Variants in EPHA3 observed in about 807,000 individuals in gnomAD.
EPHA3 encodes the protein EPH receptor A3.
A neutral mutation model predicts 107.1 loss-of-function variants in EPHA3; 42 were observed. The observed-to-expected ratio is 0.39, with a 90% CI of 0.31 to 0.51. EPHA3 has a LOEUF of 0.51. EPHA3 is among the 20% of genes least tolerant of loss of function. The pLI is 0.78. For missense variants in EPHA3, 1,183 were observed against 1,211.2 expected, an observed-to-expected ratio of 0.98 and a Z score of 0.35; for synonymous variants, 461 against 424.8, an observed-to-expected ratio of 1.09 and a Z score of -1.05.
chr3:89,353,559 C>T (rs985881212), intron 5 of EPHA3, among the ~76,000 whole-genome samples: 2 of 151,190 alleles, frequency 1.3e-5, no homozygotes, highest in Admixed American at 1.3e-4. Flanking sequence ...ACTGGCAATT[C>T]AGCTTCTTCC....
At chr3:89,133,036 A>G (rs138101531) in intron 2 of EPHA3, among the ~76,000 whole-genome samples, 136 of 152,370 alleles carry the variant, frequency 8.9e-4, no homozygotes, top group African/African-American at 2.8e-3. Flanking sequence ...ACAAATACAT[A>G]TAATACATGT....
rs1576401054 is a variant in EPHA3 at position 89,480,697 on chromosome 3, T to C, written c.*1195T>C. 1 of 232,786 alleles carries C rather than the reference T, an allele frequency of 4.3e-6. No individual in the cohort carries two copies. The highest frequency in any genetic ancestry group is 6.1e-5 in the East Asian group (1 of 16,416). The allele number at this position is 232,786 out of a possible 1,614,324, so 14.4% of individuals were successfully genotyped here. On this transcript the variant is annotated 3_prime_UTR_variant, in exon 17 of 17. Coordinates refer to ENST00000336596, the MANE Select transcript of EPHA3 (RefSeq NM_005233.6). ...TTGCTGAAACTTGCTGAGCTGTTTA[T>C]AGAGAATGATGATAACAGAACTTTT...
In EPHA3 at chr3:89,356,013, G is replaced by A. The variant is rs558884623; in HGVS notation, c.1306+13923G>A. Among the ~76,000 whole-genome samples the A allele has an allele frequency of 1.6e-3, 182 of 112,058 alleles. 4 individuals carry two copies. Among genetic ancestry groups the A allele is most frequent in the Admixed American group, 2.9e-3 (21 of 7,234 alleles). The allele number at this position is 112,058 out of a possible 152,430, so 73.5% of individuals were successfully genotyped here. ...CCCACCCCACAACAGTCCCCAGAGT[G>A]TGATGTTCCCCTTCCTGTGTCCATG... On this transcript the variant is annotated intron_variant, in intron 5 of 16. Coordinates refer to ENST00000336596, the MANE Select transcript of EPHA3 (RefSeq NM_005233.6).
intron 3 of EPHA3, among the ~76,000 whole-genome samples, chr3:89,318,170 T>G (rs1706955314): frequency 6.6e-6 from 1 of 151,904 alleles, no homozygotes; most frequent in Non-Finnish European, 1.5e-5. Flanking sequence ...TGTAACATCA[T>G]ATTTTACAAT....
At chr3:89,441,794 T>C (rs992401424) in intron 13 of EPHA3, among the ~76,000 whole-genome samples, 2 of 152,166 alleles carry the variant, frequency 1.3e-5, no homozygotes, top group Admixed American at 6.6e-5. Context: ...TCCTATATAT[T>C]CAATTTATTT....
At chr3:89,130,906 G>T (rs1460390106) in intron 2 of EPHA3, among the ~76,000 whole-genome samples, 2 of 152,270 alleles carry the variant, frequency 1.3e-5, no homozygotes, top group East Asian at 3.9e-4. Context: ...AAAATGTTGG[G>T]ATTACAGGCG....
intron 13 of EPHA3, 43 bp from the exon 14 acceptor site, chr3:89,449,182 C>T (rs1709937668): frequency 2.6e-6 from 4 of 1,547,986 alleles, no homozygotes; most frequent in Non-Finnish European, 3.5e-6. Context: ...ATTATATGTT[C>T]TATGCATTGC....
intron 2 of EPHA3, among the ~76,000 whole-genome samples, chr3:89,144,336 C>T (rs1704490993): frequency 6.6e-6 from 1 of 151,620 alleles, no homozygotes; most frequent in South Asian, 2.1e-4. Context: ...AAGATTCCTG[C>T]ACATCTTTTC....
intron 5 of EPHA3, among the ~76,000 whole-genome samples, chr3:89,380,600 G>A (rs759515542): frequency 6.6e-6 from 1 of 152,072 alleles, no homozygotes; most frequent in Non-Finnish European, 1.5e-5. Flanking sequence ...CCAACCAAGA[G>A]GAGGTAGTGC....
intron 5 of EPHA3, among the ~76,000 whole-genome samples, chr3:89,377,420 A>G (rs1708423004): frequency 6.6e-6 from 1 of 152,158 alleles, no homozygotes; most frequent in Non-Finnish European, 1.5e-5. Flanking sequence ...CAACCCATTA[A>G]AGCCAAAAAT....
At chr3:89,433,302 A>G (rs1327431368) in intron 13 of EPHA3, among the ~76,000 whole-genome samples, 1 of 149,446 alleles carries the variant, frequency 6.7e-6, no homozygotes, top group Non-Finnish European at 1.5e-5. Flanking sequence ...TTTATTCCCG[A>G]TTAAAAAAAA....
intron 3 of EPHA3, among the ~76,000 whole-genome samples, chr3:89,315,828 T>C (rs1441219995): frequency 6.6e-6 from 1 of 151,856 alleles, no homozygotes; most frequent in Admixed American, 6.6e-5. Flanking sequence ...TTTCAGAATG[T>C]CAAATTTAGT....
intron 3 of EPHA3, among the ~76,000 whole-genome samples, chr3:89,271,548 A>G (rs1327131487): frequency 2.0e-5 from 3 of 151,946 alleles, no homozygotes; most frequent in East Asian, 1.9e-4. Context: ...CTGGCTTTAT[A>G]TTCAAGTCTT....
At chr3:89,287,645 A>G (rs1438272903) in intron 3 of EPHA3, among the ~76,000 whole-genome samples, 2 of 152,152 alleles carry the variant, frequency 1.3e-5, no homozygotes, top group African/African-American at 2.4e-5. Flanking sequence ...AAAGAAAATA[A>G]GGAAGAGTGA....
chr3:89,423,452 C>T (rs1035042729), intron 11 of EPHA3, among the ~76,000 whole-genome samples: 2 of 151,266 alleles, frequency 1.3e-5, no homozygotes, highest in African/African-American at 2.4e-5. Flanking sequence ...CTAAATTTGT[C>T]TTAAGTGTAC....
In EPHA3 at chr3:89,181,580, G is replaced by A. The variant is rs562620293; in HGVS notation, c.154-28280G>A. The stretch of plus-strand genomic sequence containing the variant: ...TGGAGAGAGATATACTTAATACTGC[G>A]GTGTTTTAAATTTGAGCTTTTGGAT... On this transcript the variant is annotated intron_variant, in intron 2 of 16. Coordinates refer to ENST00000336596, the MANE Select transcript of EPHA3 (RefSeq NM_005233.6). Among the ~76,000 whole-genome samples, 41 of 151,938 alleles carry A rather than the reference G, an allele frequency of 2.7e-4. No homozygotes were observed. In the Middle Eastern group the frequency reaches 0.027, roughly 101 times the overall value.
intron 2 of EPHA3, among the ~76,000 whole-genome samples, chr3:89,187,849 T>A (rs1398816280): frequency 5.3e-5 from 8 of 152,154 alleles, no homozygotes; most frequent in Non-Finnish European, 1.2e-4. Context: ...AGAAATGTAA[T>A]ATAACAACTC....
intron 16 of EPHA3, among the ~76,000 whole-genome samples, chr3:89,475,263 CTTA>C (rs1710484171): frequency 6.6e-6 from 1 of 152,108 alleles, no homozygotes; most frequent in Non-Finnish European, 1.5e-5. Flanking sequence ...GGGTTCCTGG[CTTA>C]TTGTTTGAAT....
intron 5 of EPHA3, among the ~76,000 whole-genome samples, chr3:89,358,643 A>G (rs1383574085): frequency 6.6e-6 from 1 of 151,200 alleles, no homozygotes; most frequent in Admixed American, 6.6e-5. Flanking sequence ...CAACAGCTCA[A>G]TGAAGCCCCC....
Sources: gnomAD v4.1 joint callset for allele counts (sites outside exome capture counted in the v4.1 genomes callset) on GRCh38, gnomAD v4.1.1 for gene constraint, MANE v1.5 for transcripts, NCBI Gene and HGNC (gene_info 2026-07-23, HGNC 2026-07-21) for gene names.